Variants in WWOX observed in about 807,000 individuals in gnomAD.
WWOX encodes WW domain containing oxidoreductase.
In WWOX, 69 loss-of-function variants were observed where a neutral mutation model predicts 46.2. The ratio of observed to expected loss-of-function variants is 1.49; its 90% CI spans 1.23 to 1.82. WWOX has a LOEUF of 1.82. Among genes scored for constraint, WWOX ranks in the 40% most tolerant of loss-of-function variants. The pLI, the probability that WWOX is intolerant of heterozygous loss-of-function variation, is 0.00. For missense variants in WWOX, 919 were observed against 542.6 expected (o/e 1.69, Z -6.89); for synonymous variants, 359 against 202.6 (o/e 1.77, Z -6.56).
intron 5 of WWOX, among the ~76,000 whole-genome samples, chr16:78,241,490 G>A (rs529809874): frequency 6.6e-6 from 1 of 152,070 alleles, no homozygotes; most frequent in East Asian, 1.9e-4. Flanking sequence ...GTGCAGTGGC[G>A]CCATCTCGGC....
chr16:78,927,237 G>T (rs1258238669), intron 8 of WWOX, among the ~76,000 whole-genome samples: 1 of 152,196 alleles, frequency 6.6e-6, no homozygotes, highest in Non-Finnish European at 1.5e-5. Context: ...CTGGCTGGTT[G>T]TTACTTATCC....
At chr16:78,925,392 A>G (rs1290116179) in intron 8 of WWOX, among the ~76,000 whole-genome samples, 2 of 152,174 alleles carry the variant, frequency 1.3e-5, no homozygotes, top group African/African-American at 4.8e-5. Context: ...GTTTGAAAGG[A>G]CAGCTCTCAG....
intron 8 of WWOX, among the ~76,000 whole-genome samples, chr16:78,647,665 A>T (rs529788979): frequency 6.6e-6 from 1 of 152,354 alleles, no homozygotes; most frequent in East Asian, 1.9e-4. Flanking sequence ...CATCAACATC[A>T]GACCATCACC....
intron 8 of WWOX, among the ~76,000 whole-genome samples, chr16:78,859,197 G>A (rs1257335261): frequency 1.3e-5 from 2 of 150,888 alleles, no homozygotes; most frequent in Non-Finnish European, 2.9e-5. Context: ...AGGATGAAGG[G>A]GCCTAAAATG....
intron 8 of WWOX, among the ~76,000 whole-genome samples, chr16:78,772,174 C>A (rs13337401): frequency 0.3 from 46,372 of 152,058 alleles, 7,542 homozygotes; most frequent in South Asian, 0.36. Flanking sequence ...AGTTATTTTT[C>A]TGATCCTCTC....
chr16:78,692,155 G>C (rs565420007), intron 8 of WWOX, among the ~76,000 whole-genome samples: 2 of 152,268 alleles, frequency 1.3e-5, no homozygotes, highest in African/African-American at 2.4e-5. Context: ...GACTAATACA[G>C]TGAGGAAATC....
intron 1 of WWOX, among the ~76,000 whole-genome samples, chr16:78,101,478 C>G (rs1280080063): frequency 6.6e-6 from 1 of 151,760 alleles, no homozygotes; most frequent in African/African-American, 2.4e-5. Context: ...TCCCGAATAG[C>G]TGGGATTACA....
At chr16:78,541,600 A>T (rs985701483) in intron 8 of WWOX, among the ~76,000 whole-genome samples, 1 of 150,956 alleles carries the variant, frequency 6.6e-6, no homozygotes, top group African/African-American at 2.4e-5. Context: ...AATTGTTTAT[A>T]GTTAAGTTAA....
intron 8 of WWOX, among the ~76,000 whole-genome samples, chr16:78,589,578 A>G (rs772401192): frequency 5.3e-5 from 8 of 152,042 alleles, no homozygotes; most frequent in Non-Finnish European, 1.2e-4. Flanking sequence ...ACTCCTTGCA[A>G]GGGCCCTTGG....
intron 8 of WWOX, among the ~76,000 whole-genome samples, chr16:79,129,748 A>T (rs1016160897): frequency 5.3e-5 from 8 of 152,104 alleles, no homozygotes; most frequent in African/African-American, 9.7e-5. Flanking sequence ...AAATTATTCA[A>T]TCCATGCATT....
intron 8 of WWOX, among the ~76,000 whole-genome samples, chr16:78,564,999 A>C (rs1037997134): frequency 6.6e-6 from 1 of 152,148 alleles, no homozygotes; most frequent in Non-Finnish European, 1.5e-5. Context: ...TACACTACAC[A>C]ATTGTTGGAG....
Position 78,942,003 on chromosome 16 carries a change from A to C in WWOX, c.1057-269605A>C, listed in dbSNP as rs1477266068. Among the ~76,000 whole-genome samples, 3 of 152,266 alleles carry C rather than the reference A, an allele frequency of 2.0e-5. No homozygotes were observed. The South Asian group carries it at 6.2e-4, about 32-fold the overall frequency. On this transcript the variant is annotated intron_variant, in intron 8 of 8. Coordinates refer to ENST00000566780, the MANE Select transcript of WWOX (RefSeq NM_016373.4). ...GGTCATTGGGAAATAAAGTGGGTGG[A>C]AGTATTGGCGAGCATTTCTTTCCCA...
rs1187306473 is a variant in WWOX, at chr16:78,148,176, A to G, written c.410-16007A>G. On this transcript the variant is annotated intron_variant, in intron 4 of 8. Coordinates refer to ENST00000566780, the MANE Select transcript of WWOX (RefSeq NM_016373.4). ...TGGCTATAAATTAATTCATCAAAAT[A>G]AAAAAGGCCAAACTTCAGGATAAAT... Among the ~76,000 whole-genome samples the G allele has an allele frequency of 2.0e-5, 3 of 152,332 alleles. No homozygotes were observed. The East Asian group carries it at 5.8e-4, about 29-fold the overall frequency.
chr16:78,217,132 T>A (rs1393330357), intron 5 of WWOX, among the ~76,000 whole-genome samples: 1 of 152,240 alleles, frequency 6.6e-6, no homozygotes, highest in Non-Finnish European at 1.5e-5. Flanking sequence ...GATTAGGACC[T>A]GGACATCTTT....
intron 8 of WWOX, among the ~76,000 whole-genome samples, chr16:78,744,861 G>A (rs1309279893): frequency 6.6e-6 from 1 of 152,190 alleles, no homozygotes; most frequent in Admixed American, 6.5e-5. Context: ...AAGTCATTGG[G>A]TAAGCAAAGA....
intron 8 of WWOX, among the ~76,000 whole-genome samples, chr16:78,919,253 C>G (rs1442578092): frequency 1.3e-5 from 2 of 151,974 alleles, no homozygotes; most frequent in African/African-American, 4.8e-5. Context: ...CAGAGACACC[C>G]CCCCACTCTT....
At chr16:78,808,229 G>A (rs926933314) in intron 8 of WWOX, among the ~76,000 whole-genome samples, 2 of 152,074 alleles carry the variant, frequency 1.3e-5, no homozygotes, top group African/African-American at 4.8e-5. Context: ...ATACCCATAG[G>A]GACCCTGAAC....
intron 8 of WWOX, among the ~76,000 whole-genome samples, chr16:78,895,010 G>C (rs559514817): frequency 6.6e-6 from 1 of 152,114 alleles, no homozygotes; most frequent in Non-Finnish European, 1.5e-5. Context: ...CCATCATGCC[G>C]CCGGGCACCG....
chr16:78,674,790 T>G (rs544773183), intron 8 of WWOX, among the ~76,000 whole-genome samples: 1 of 152,096 alleles, frequency 6.6e-6, no homozygotes, highest in Non-Finnish European at 1.5e-5. Context: ...TCTTCCCATA[T>G]ATTTTTAAAC....
Sources: gnomAD v4.1 joint callset for allele counts (sites outside exome capture counted in the v4.1 genomes callset) on GRCh38, gnomAD v4.1.1 for gene constraint, MANE v1.5 for transcripts, NCBI Gene and HGNC (gene_info 2026-07-23, HGNC 2026-07-21) for gene names.